Variants in TUSC3 observed in about 807,000 individuals in gnomAD.
TUSC3 encodes the protein dolichyl-diphosphooligosaccharide--protein glycosyltransferase subunit TUSC3.
In TUSC3, 45 loss-of-function variants were observed where a neutral mutation model predicts 44.8. The ratio of observed to expected loss-of-function variants is 1.00; its 90% CI spans 0.79 to 1.29. TUSC3 has a LOEUF of 1.29. Ranked by LOEUF, TUSC3 falls within the 50% of genes most tolerant of loss-of-function variation. The pLI, the probability that TUSC3 is intolerant of heterozygous loss-of-function variation, is 0.00. For synonymous variants in TUSC3, 212 were observed against 152.9 expected, an observed-to-expected ratio of 1.39 and a Z score of -2.85; for missense variants, 519 against 437.9, an observed-to-expected ratio of 1.19 and a Z score of -1.65.
At chr8:15,816,832 A>C in the TUSC3 span, among the ~76,000 whole-genome samples, 1 of 152,198 alleles carries the variant, frequency 6.6e-6, no homozygotes, top group African/African-American at 2.4e-5. Flanking sequence ...TAACAGTTTA[A>C]ACCAAGTATG....
intron 1 of TUSC3, among the ~76,000 whole-genome samples, chr8:15,574,412 A>C (rs1000275814): frequency 2.0e-5 from 3 of 152,082 alleles, no homozygotes; most frequent in African/African-American, 7.2e-5. Context: ...TTCTTATTAC[A>C]TGTTTTGTTG....
At chr8:15,696,896 A>C (rs1252634262) in intron 6 of TUSC3, among the ~76,000 whole-genome samples, 1 of 152,042 alleles carries the variant, frequency 6.6e-6, no homozygotes, top group African/African-American at 2.4e-5. Flanking sequence ...TGTCTGGTAG[A>C]ATTCTGCTGT....
intron 3 of TUSC3, among the ~76,000 whole-genome samples, chr8:15,655,225 G>A (rs1453442873): frequency 2.0e-5 from 3 of 151,802 alleles, no homozygotes; most frequent in Non-Finnish European, 4.4e-5. Flanking sequence ...ACCTGAAGAT[G>A]GTGATTAGCA....
intron 6 of TUSC3, among the ~76,000 whole-genome samples, chr8:15,718,612 AAT>A (rs1810160564): frequency 6.6e-6 from 1 of 152,092 alleles, no homozygotes; most frequent in African/African-American, 2.4e-5. Flanking sequence ...ATAAAAAGAG[AAT>A]AGAACTTCAT....
intron 6 of TUSC3, among the ~76,000 whole-genome samples, chr8:15,678,762 G>A (rs1430201426): frequency 6.6e-6 from 1 of 152,118 alleles, no homozygotes; most frequent in East Asian, 1.9e-4. Flanking sequence ...AATTTTTTCA[G>A]CTTTTGGCCT....
chr8:15,535,839 G>C (rs146474675), upstream of TUSC3, among the ~76,000 whole-genome samples: 968 of 152,274 alleles, frequency 6.4e-3, no homozygotes, highest in Middle Eastern at 0.014. Context: ...GGAGATCAGA[G>C]CCTTGACCTG....
intron 1 of TUSC3, among the ~76,000 whole-genome samples, chr8:15,586,227 G>C (rs1422854104): frequency 6.6e-6 from 1 of 151,886 alleles, no homozygotes; most frequent in Non-Finnish European, 1.5e-5. Context: ...AGGACTGAAT[G>C]TTGTGAGTTA....
chr8:15,558,927 A>G (rs1414064530), intron 1 of TUSC3, among the ~76,000 whole-genome samples: 6 of 151,254 alleles, frequency 4.0e-5, no homozygotes, highest in Admixed American at 1.3e-4. Flanking sequence ...CGGTCTATCA[A>G]TCTTGTTGGT....
the TUSC3 span, among the ~76,000 whole-genome samples, chr8:15,824,248 T>A: frequency 1.3e-5 from 2 of 152,200 alleles, no homozygotes; most frequent in Non-Finnish European, 2.9e-5. Context: ...GATGCATGAA[T>A]CACTCCACAG....
At chr8:15,537,202 C>A (rs547914778), upstream of TUSC3, among the ~76,000 whole-genome samples, 1 of 152,170 alleles carries the variant, frequency 6.6e-6, no homozygotes, top group South Asian at 2.1e-4. Context: ...TCTCCATAAT[C>A]CTTTACCTTA....
chr8:15,605,778 T>C (rs1804494134), intron 1 of TUSC3, among the ~76,000 whole-genome samples: 1 of 152,000 alleles, frequency 6.6e-6, no homozygotes, highest in African/African-American at 2.4e-5. Context: ...CACTTGCAGT[T>C]GAGGGAAATG....
At chr8:15,769,989 G>A (rs1812412689), downstream of TUSC3, among the ~76,000 whole-genome samples, 2 of 152,170 alleles carry the variant, frequency 1.3e-5, no homozygotes, top group Admixed American at 1.3e-4. Context: ...TTCAACCATT[G>A]TGGAAGACAG....
chr8:15,538,223 C>G (rs1370392428), upstream of TUSC3, among the ~76,000 whole-genome samples: 1 of 152,184 alleles, frequency 6.6e-6, no homozygotes, highest in Admixed American at 6.5e-5. Flanking sequence ...AATTTCCTTA[C>G]TTTGTTTTTA....
chr8:15,520,480 C>T (rs1350253268), intron 2 of TUSC3, among the ~76,000 whole-genome samples: 4 of 152,158 alleles, frequency 2.6e-5, no homozygotes, highest in Non-Finnish European at 2.9e-5. Flanking sequence ...TCATGGTTAG[C>T]TTCTGTTATT....
chr8:15,606,016 C>A (rs75312329), intron 1 of TUSC3, among the ~76,000 whole-genome samples: 3,463 of 151,984 alleles, frequency 0.023, 145 homozygotes, highest in African/African-American at 0.078. Flanking sequence ...CGAGGTTCTC[C>A]TGTATTTTTC....
intron 2 of TUSC3, among the ~76,000 whole-genome samples, chr8:15,625,372 T>C (rs1329662735): frequency 1.3e-5 from 2 of 152,214 alleles, no homozygotes; most frequent in Non-Finnish European, 2.9e-5. Flanking sequence ...AGTTGGGGAA[T>C]GTTACCTATT....
chr8:15,845,894 A>C, the TUSC3 span, among the ~76,000 whole-genome samples: 1 of 152,188 alleles, frequency 6.6e-6, no homozygotes, highest in Non-Finnish European at 1.5e-5. Context: ...GACTGGAAAG[A>C]AAAAGATGTT....
At chr8:15,760,473 G>A (rs1177900272) in intron 10 of TUSC3, among the ~76,000 whole-genome samples, 2 of 152,068 alleles carry the variant, frequency 1.3e-5, no homozygotes, top group East Asian at 1.9e-4. Flanking sequence ...TTTTTATGGT[G>A]TATCTTTCAG....
At position 15,527,733 on chromosome 8, in the gene TUSC3, T is replaced by C. The variant is rs559347197; in HGVS notation, n.189+44250T>C. 3.3e-5 allele frequency among the ~76,000 whole-genome samples: 5 copies of C among 152,280 alleles called. No individual in the cohort carries two copies. In the East Asian group the frequency reaches 9.7e-4, roughly 29 times the overall value. ...AGCTCGAATACTTCTGAAGCTCACT[T>C]TATTTTCAGTGGGAAAGGCACTGTA... On this transcript the variant is annotated intron_variant and non_coding_transcript_variant, in intron 2 of 5. Coordinates refer to the TUSC3 transcript ENST00000503191.
Sources: allele counts gnomAD v4.1 joint callset (sites outside exome capture counted in the v4.1 genomes callset), GRCh38; gene constraint gnomAD v4.1.1; transcripts MANE v1.5; gene names NCBI Gene and HGNC (gene_info 2026-07-23, HGNC 2026-07-21).